The following VAC14 variants were observed in gnomAD, a reference collection of about 807,000 sequenced individuals.
VAC14 encodes the protein VAC14 component of PIKFYVE complex.
Under a neutral mutation model 85.3 loss-of-function variants are expected in VAC14, and 47 were observed. The ratio of observed to expected loss-of-function variants is 0.55; its 90% CI spans 0.44 to 0.70. The LOEUF (loss-of-function observed/expected upper bound fraction) is 0.70, where lower values mean the gene tolerates loss of function less well. Among genes scored for constraint, VAC14 ranks in the 30% least tolerant of loss-of-function variants. The pLI is 0.00. For synonymous variants in VAC14, 447 were observed against 430.5 expected, an observed-to-expected ratio of 1.04 and a Z score of -0.47; for missense variants, 861 against 1,004.3, an observed-to-expected ratio of 0.86 and a Z score of 1.93.
intron 2 of VAC14, 113 bp downstream of exon 2, chr16:70,786,102 A>C: frequency 6.7e-7 from 1 of 1,503,096 alleles, no homozygotes; most frequent in Non-Finnish European, 8.9e-7. Context: ...CAGAGTGGTA[A>C]TAAAACATAG....
chr16:70,740,260 G>A (rs1386433878), intron 13 of VAC14, among the ~76,000 whole-genome samples: 1 of 152,210 alleles, frequency 6.6e-6, no homozygotes, highest in African/African-American at 2.4e-5. Flanking sequence ...CGTGGCTTAC[G>A]ACATGAACAG....
chr16:70,697,290 C>T (rs750484588), intron 15 of VAC14, 33 bp from the exon 16 acceptor site: 28 of 1,572,782 alleles, frequency 1.8e-5, no homozygotes, highest in East Asian at 1.6e-4. Context: ...CGTGAGGACA[C>T]GCCTGCTCCT....
intron 17 of VAC14, among the ~76,000 whole-genome samples, chr16:70,693,314 G>A (rs760362618): frequency 6.6e-6 from 1 of 152,114 alleles, no homozygotes; most frequent in Admixed American, 6.5e-5. Context: ...TCTGTTTCCC[G>A]CCCCCCGCTC....
At chr16:70,756,457 C>T (rs1457221936) in intron 12 of VAC14, among the ~76,000 whole-genome samples, 1 of 152,220 alleles carries the variant, frequency 6.6e-6, no homozygotes, top group Admixed American at 6.5e-5. Flanking sequence ...TCCTCCCCTA[C>T]CAAAGCAAAT....
chr16:70,794,419 A>T lies in VAC14; in HGVS notation c.104+6378T>A, dbSNP rs565324835. 3.9e-5 allele frequency among the ~76,000 whole-genome samples: 6 copies of T among 152,174 alleles called. No homozygotes were observed. In the East Asian group the frequency reaches 9.6e-4, roughly 24 times the overall value. ...TTATGGTTGGCTTCTTTCACTTAGCATAATGTTTTCAAGGGGCTTTTTTTT... is the reference window on the plus strand; with the variant it reads ...TTATGGTTGGCTTCTTTCACTTAGCTTAATGTTTTCAAGGGGCTTTTTTTT... On this transcript the variant is annotated intron_variant, in intron 1 of 18. Coordinates refer to ENST00000261776, the MANE Select transcript of VAC14 (RefSeq NM_018052.5).
chr16:70,696,219 TA>T (rs1170885715), intron 16 of VAC14, among the ~76,000 whole-genome samples: 2 of 152,012 alleles, frequency 1.3e-5, no homozygotes, highest in East Asian at 3.9e-4. Flanking sequence ...ACTGGTGTTT[TA>T]AAAAAAATCT....
chr16:70,783,695 A>T (rs1289934427), intron 5 of VAC14, 141 bp from the exon 6 acceptor site: 2 of 797,930 alleles, frequency 2.5e-6, no homozygotes, highest in Non-Finnish European at 4.1e-6. Context: ...ATGTGGGAGG[A>T]GGGTGCTGGC....
At chr16:70,781,572 C>T (rs1161322152) in intron 8 of VAC14, among the ~76,000 whole-genome samples, 1 of 152,136 alleles carries the variant, frequency 6.6e-6, no homozygotes, top group African/African-American at 2.4e-5. Flanking sequence ...CTCCCACCAA[C>T]AGGATCTCCC....
At chr16:70,783,329 C>A in intron 6 of VAC14, 116 bp downstream of exon 6, 1 of 1,139,666 alleles carries the variant, frequency 8.8e-7, no homozygotes, top group Non-Finnish European at 1.3e-6. Context: ...GCACAAGAGC[C>A]AGGAAGAAGA....
At chr16:70,691,878 T>C in intron 18 of VAC14, 2 of 985,286 alleles carry the variant, frequency 2.0e-6, no homozygotes, top group Non-Finnish European at 2.4e-6. Flanking sequence ...GCTGCCTGTG[T>C]CCATCGCAAA....
intron 16 of VAC14, 82 bp from the exon 17 acceptor site, chr16:70,695,705 C>CAGGAAGCCAGGTG: frequency 1.5e-6 from 2 of 1,361,364 alleles, no homozygotes; most frequent in Non-Finnish European, 2.1e-6. Context: ...CCCCCCTGCA[C>CAGGAAGCCAGGTG]CTGGCTTCCT....
chr16:70,745,482 A>AGAGTGT (rs1555520581), intron 12 of VAC14, among the ~76,000 whole-genome samples: 12 of 143,870 alleles, frequency 8.3e-5, no homozygotes, highest in Non-Finnish European at 1.4e-4. Flanking sequence ...GAGGGGCTTC[A>AGAGTGT]GTGTGTGTGT....
chr16:70,779,421 A>C (rs2033697962), intron 9 of VAC14, among the ~76,000 whole-genome samples: 1 of 152,126 alleles, frequency 6.6e-6, no homozygotes. Context: ...TTTCTTGACA[A>C]ATTAGCTGAA....
Position 70,722,320 on chromosome 16 carries a change from T to C in VAC14, c.1661+9175A>G, listed in dbSNP as rs570287340. 7.7e-4 allele frequency among the ~76,000 whole-genome samples: 118 copies of C among 152,272 alleles called. 1 individual carries two copies. Among genetic ancestry groups the C allele is most frequent in the African/African-American group, 2.8e-3 (115 of 41,576 alleles). On this transcript the variant is annotated intron_variant, in intron 14 of 18. Coordinates refer to ENST00000261776, the MANE Select transcript of VAC14 (RefSeq NM_018052.5). ...CCATCTGAGGCGGAATTCTGTGCCA[T>C]GGGTCCCCCAGGCCAGGCCCCTCCG...
intron 1 of VAC14, among the ~76,000 whole-genome samples, chr16:70,786,738 C>A (rs979412761): frequency 1.3e-5 from 2 of 152,322 alleles, no homozygotes; most frequent in Middle Eastern, 3.4e-3. Flanking sequence ...CGCGTCTGAG[C>A]GACTATTTCC....
rs1167439430 is a variant in VAC14 at position 70,755,825 on chromosome 16, C to T, written c.1371+6715G>A. 2.0e-5 allele frequency among the ~76,000 whole-genome samples: 3 copies of T among 152,198 alleles called. No individual in the cohort carries two copies. In the East Asian group the frequency reaches 5.8e-4, roughly 29 times the overall value. On this transcript the variant is annotated intron_variant, in intron 12 of 18. Transcript: ENST00000261776. ...GTGGAAGCCCCCATTTTGGGGTAGA[C>T]ACTGAGGGATGGCAGTAACAGCTCC...
intron 13 of VAC14, among the ~76,000 whole-genome samples, chr16:70,737,572 C>T (rs957433975): frequency 2.6e-5 from 4 of 152,136 alleles, no homozygotes; most frequent in Admixed American, 6.5e-5. Context: ...CCTGCCAGCC[C>T]CTGGCAGGAA....
At chr16:70,751,327 G>A (rs994338476) in intron 12 of VAC14, among the ~76,000 whole-genome samples, 1 of 152,254 alleles carries the variant, frequency 6.6e-6, no homozygotes, top group Non-Finnish European at 1.5e-5. Flanking sequence ...TACTGGCGGG[G>A]AGAGGTGAAC....
intron 12 of VAC14, among the ~76,000 whole-genome samples, chr16:70,758,601 G>C (rs368584995): frequency 2.6e-5 from 4 of 152,202 alleles, no homozygotes; most frequent in Non-Finnish European, 5.9e-5. Context: ...ACTCACAGGT[G>C]GGGGTATGGC....
Sources: allele counts gnomAD v4.1 joint callset (sites outside exome capture counted in the v4.1 genomes callset), GRCh38; gene constraint gnomAD v4.1.1; transcripts MANE v1.5; gene names NCBI Gene and HGNC (gene_info 2026-07-23, HGNC 2026-07-21).